The following KIF7 variants were observed in gnomAD, a reference collection of about 807,000 sequenced individuals.
KIF7 encodes the protein kinesin family member 7, also known as kinesin-like protein KIF7.
KIF7 carries 104 observed loss-of-function variants against 135.7 expected under a neutral mutation model. The observed-to-expected ratio is 0.77, with a 90% CI of 0.65 to 0.90. The LOEUF (loss-of-function observed/expected upper bound fraction) is 0.90. KIF7 is among the 40% of genes least tolerant of loss of function. KIF7 has a pLI of 0.00. For missense variants in KIF7, 2,005 were observed against 1,839.1 expected (o/e 1.09, Z -1.65); for synonymous variants, 883 against 809.4 (o/e 1.09, Z -1.54).
intron 15 of KIF7, chr15:89,630,799 C>T (rs1963657390): frequency 4.1e-6 from 2 of 481,946 alleles, no homozygotes; most frequent in Non-Finnish European, 7.7e-6. Flanking sequence ...ACGGAGGCAC[C>T]ACGGTGTCTG....
chr15:89,625,335 G>A, downstream of KIF7: 3 of 1,614,134 alleles, frequency 1.9e-6, no homozygotes, highest in Non-Finnish European at 2.5e-6. Flanking sequence ...AGCACAGTGG[G>A]AAGACAACTC....
intron 15 of KIF7, chr15:89,630,932 G>A (rs1963659954): frequency 3.2e-6 from 1 of 316,646 alleles, no homozygotes; most frequent in African/African-American, 2.1e-5. Context: ...CACACACCTA[G>A]GCTACAAGCC....
chr15:89,642,163 G>A, intron 11 of KIF7, 40 bp downstream of exon 11: 2 of 1,593,196 alleles, frequency 1.3e-6, no homozygotes, highest in South Asian at 2.2e-5. Flanking sequence ...TAGGAGGCAG[G>A]AGTCACCCCA....
At chr15:89,657,104 T>C (rs1435027901), upstream of KIF7, among the ~76,000 whole-genome samples, 3 of 152,118 alleles carry the variant, frequency 2.0e-5, no homozygotes, top group African/African-American at 7.2e-5. Flanking sequence ...GCCCAGGAGT[T>C]TGAGACCAAC....
chr15:89,654,889 G>T (rs978065186), intron 1 of KIF7, among the ~76,000 whole-genome samples: 1 of 152,234 alleles, frequency 6.6e-6, no homozygotes, highest in Non-Finnish European at 1.5e-5. Flanking sequence ...GCACACAGCG[G>T]TAAACTCTGC....
At chr15:89,652,003 G>T (rs1474582150) in intron 2 of KIF7, among the ~76,000 whole-genome samples, 1 of 152,178 alleles carries the variant, frequency 6.6e-6, no homozygotes, top group Non-Finnish European at 1.5e-5. Flanking sequence ...CCAGCCTCCA[G>T]AACTGTGAGG....
Position 89,647,049 on chromosome 15 carries a change from C to A in KIF7, c.1569G>T (p.Arg523=). 6.3e-7 allele frequency: 1 copy of A among 1,592,406 alleles called. No homozygotes were observed. The highest frequency in any genetic ancestry group is 1.1e-5 in the South Asian group (1 of 89,022). The change falls in exon 7 of 19, where the codon CGG becomes CGT. Residue 523 remains arginine (R), a synonymous_variant. Coordinates refer to ENST00000394412, the MANE Select transcript of KIF7 (RefSeq NM_198525.3). The part of the protein sequence containing the change: ...AMEQYKLQSD[R]LREQQEEMVE... ...CCATCTCCTCCTGCTGCTCACGCAG[C>A]CGGTCGCTCTGCAAGACATGGTCCA... is the stretch of plus-strand genomic sequence containing the variant.
intron 11 of KIF7, among the ~76,000 whole-genome samples, chr15:89,638,063 C>CAA (rs201889659): frequency 1.4e-5 from 2 of 145,812 alleles, no homozygotes; most frequent in Non-Finnish European, 3.0e-5. Flanking sequence ...GAACCAAAGA[C>CAA]AAAATCACGA....
downstream of KIF7, chr15:89,624,314 C>T (rs1171414287): frequency 1.9e-6 from 3 of 1,614,064 alleles, no homozygotes; most frequent in Non-Finnish European, 2.5e-6. Context: ...TGTCCTTCCC[C>T]AGGAGAACTG....
downstream of KIF7, chr15:89,624,496 G>A (rs371609955): frequency 9.3e-6 from 15 of 1,613,974 alleles, no homozygotes; most frequent in African/African-American, 8.0e-5. Context: ...AAGGAGCATC[G>A]TGGAGTGTCA....
At chr15:89,632,612 A>G (rs1161715058) in intron 14 of KIF7, among the ~76,000 whole-genome samples, 1 of 152,194 alleles carries the variant, frequency 6.6e-6, no homozygotes, top group Non-Finnish European at 1.5e-5. Context: ...CTTACCTGGC[A>G]GAGATACCAC....
downstream of KIF7, chr15:89,623,588 T>C: frequency 1.3e-6 from 2 of 1,562,078 alleles, no homozygotes; most frequent in Non-Finnish European, 1.7e-6. Flanking sequence ...TGAGTTATAA[T>C]ATTCAAGGAC....
chr15:89,632,518 T>G (rs1963701722), intron 14 of KIF7, among the ~76,000 whole-genome samples: 1 of 152,178 alleles, frequency 6.6e-6, no homozygotes, highest in African/African-American at 2.4e-5. Flanking sequence ...CATCTGTAAC[T>G]GTGTCATAAA....
chr15:89,629,289 G>A (rs1261619622), intron 17 of KIF7, 86 bp downstream of exon 17: 5 of 1,202,832 alleles, frequency 4.2e-6, no homozygotes, highest in Non-Finnish European at 1.1e-6. Context: ...GGCGGTGGGG[G>A]GAGGGAGGGG....
In KIF7 at chr15:89,642,732, G is replaced by A. The variant is rs533206252; in HGVS notation, c.2192-327C>T. ...TTACAGGCACGTGCCACTACACCTGGCTAATTTTGTATTTTTAGTAGAGAT... is the reference window on the plus strand; with the variant it reads ...TTACAGGCACGTGCCACTACACCTGACTAATTTTGTATTTTTAGTAGAGAT... On this transcript the variant is annotated intron_variant, in intron 10 of 18. Transcript: ENST00000394412. Among the ~76,000 whole-genome samples the A allele has an allele frequency of 4.0e-4, 61 of 152,244 alleles. 1 individual carries two copies. Among genetic ancestry groups the A allele is most frequent in the African/African-American group, 1.2e-3 (49 of 41,548 alleles).
chr15:89,624,010 G>T, downstream of KIF7: 6 of 1,613,810 alleles, frequency 3.7e-6, no homozygotes, highest in Non-Finnish European at 4.2e-6. Context: ...TTCATCGACT[G>T]CCCAGCCCAG....
downstream of KIF7, chr15:89,623,650 C>T (rs1963460277): frequency 6.2e-7 from 1 of 1,609,926 alleles, no homozygotes; most frequent in Non-Finnish European, 8.5e-7. Flanking sequence ...CCAGAAATCT[C>T]TGAGCTTTTC....
chr15:89,645,742 C>A, intron 8 of KIF7, 151 bp downstream of exon 8: 1 of 1,127,584 alleles, frequency 8.9e-7, no homozygotes, highest in Non-Finnish European at 1.2e-6. Context: ...CACAGCTCTC[C>A]CCCAGGGGCT....
upstream of KIF7, among the ~76,000 whole-genome samples, chr15:89,658,381 T>C (rs1194094310): frequency 6.7e-6 from 1 of 150,344 alleles, no homozygotes; most frequent in Admixed American, 6.7e-5. Flanking sequence ...ACCTGGGAGG[T>C]CAAAGCTACA....
Sources: allele counts gnomAD v4.1 joint callset (sites outside exome capture counted in the v4.1 genomes callset), GRCh38; gene constraint gnomAD v4.1.1; transcripts MANE v1.5; gene names NCBI Gene and HGNC (gene_info 2026-07-23, HGNC 2026-07-21).